The following MAP3K2 variants were observed in gnomAD, a reference collection of about 807,000 sequenced individuals.
The protein encoded by MAP3K2 is mitogen-activated protein kinase kinase kinase 2, also known as MAP/ERK kinase kinase 2.
Under a neutral mutation model 80.3 loss-of-function variants are expected in MAP3K2, and 24 were observed. The ratio of observed to expected loss-of-function variants is 0.30; its 90% CI spans 0.22 to 0.42. MAP3K2 has a LOEUF of 0.42. MAP3K2 is among the 10% of genes least tolerant of loss of function. MAP3K2 has a pLI of 1.00. For synonymous variants in MAP3K2, 244 were observed against 253.7 expected (o/e 0.96, Z 0.36); for missense variants, 608 against 750.1 (o/e 0.81, Z 2.21).
chr2:127,363,135 A>G (rs1006597585), intron 1 of MAP3K2, among the ~76,000 whole-genome samples: 1 of 152,202 alleles, frequency 6.6e-6, no homozygotes, highest in Non-Finnish European at 1.5e-5. Flanking sequence ...AATTTTATAT[A>G]AGAGATGTTG....
chr2:127,326,579 G>A (rs781223655), intron 8 of MAP3K2, 108 bp downstream of exon 8: 28 of 708,402 alleles, frequency 4.0e-5, no homozygotes, highest in Non-Finnish European at 5.0e-5. Flanking sequence ...AAGAAGATAT[G>A]TAATTAGAGA....
chr2:127,320,387 G>A (rs190364203), intron 12 of MAP3K2, among the ~76,000 whole-genome samples: 2 of 152,258 alleles, frequency 1.3e-5, no homozygotes, highest in East Asian at 1.9e-4. Context: ...CAACAAGGCT[G>A]AGGAAAGAAT....
intron 16 of MAP3K2, 54 bp downstream of exon 16, chr2:127,308,531 T>C: frequency 6.9e-7 from 1 of 1,452,622 alleles, no homozygotes; most frequent in East Asian, 2.3e-5. Context: ...CAATCCCAGG[T>C]GGAAATACAT....
intron 2 of MAP3K2, 131 bp downstream of exon 2, chr2:127,342,995 C>A: frequency 3.1e-6 from 2 of 645,900 alleles, no homozygotes; most frequent in Non-Finnish European, 2.6e-6. Context: ...AAATATAAAA[C>A]ATTTCATAAA....
rs1013159218 is a variant in MAP3K2, at chr2:127,299,315, G to C, written c.*8264C>G. The C allele has an allele frequency of 3.3e-5, 5 of 152,188 alleles. No individual in the cohort carries two copies. The highest frequency in any genetic ancestry group is 2.1e-4 in the South Asian group (1 of 4,824). The allele number at this position is 152,188 out of a possible 1,614,324, so 9.4% of individuals were successfully genotyped here. A position where few individuals can be genotyped will look rare whatever the true frequency, so the allele number is the denominator to read the frequency against. On this transcript the variant is annotated 3_prime_UTR_variant, in exon 17 of 17. Transcript: ENST00000682094. ...CTTAAAACACACAGTACAATATAAA[G>C]ACACACAACGTATGTTTGGACATTT...
At position 127,322,301 on chromosome 2, in the gene MAP3K2, A is replaced by G. The variant is rs772315467; in HGVS notation, c.839-49T>C. Reference sequence around the variant, plus strand: ...CTTATACCTTTTATTAATATGTTATACTTTTAAAGTATTTAAAATTTGTAA... The same window carrying G: ...CTTATACCTTTTATTAATATGTTATGCTTTTAAAGTATTTAAAATTTGTAA... On this transcript the variant is annotated intron_variant, in intron 11 of 16. Transcript: ENST00000682094. This position sits in a 1 kb window ranked among gnomAD's most constrained non-coding sequence, Gnocchi z 4.2. The G allele has an allele frequency of 8.4e-7, 1 of 1,195,212 alleles. No homozygotes were observed. The highest frequency in any genetic ancestry group is 2.2e-5 in the Admixed American group (1 of 44,734). The allele number at this position is 1,195,212 out of a possible 1,614,324, so 74.0% of individuals were successfully genotyped here. A position where few individuals can be genotyped will look rare whatever the true frequency, so the allele number is the denominator to read the frequency against.
chr2:127,357,623 T>C (rs1016461137), intron 1 of MAP3K2, among the ~76,000 whole-genome samples: 1 of 152,202 alleles, frequency 6.6e-6, no homozygotes, highest in Non-Finnish European at 1.5e-5. Context: ...ATCAAGACAG[T>C]GTGTTATTGG....
At position 127,301,898 on chromosome 2, in the gene MAP3K2, G is replaced by C. The variant is rs1452583784; in HGVS notation, c.*5681C>G. On this transcript the variant is annotated 3_prime_UTR_variant, in exon 17 of 17. Coordinates refer to ENST00000682094, the MANE Select transcript of MAP3K2 (RefSeq NM_001371910.2). ...ATCAACAGCTCTGGAAGGTGAGTAT[G>C]GGAAGATGGGAGGCCCTGATACTTC... 1.3e-5 allele frequency: 2 copies of C among 152,052 alleles called. No individual in the cohort carries two copies. The highest frequency in any genetic ancestry group is 4.8e-5 in the African/African-American group (2 of 41,412). 9.4% of individuals were successfully genotyped at this position (152,052 alleles called of 1,614,324 possible).
At chr2:127,323,835 T>G in intron 11 of MAP3K2, 67 bp downstream of exon 11, 1 of 722,496 alleles carries the variant, frequency 1.4e-6, no homozygotes, top group Non-Finnish European at 2.1e-6. Context: ...TTTTAAAAAA[T>G]TTTTGTATTT....
intron 5 of MAP3K2, among the ~76,000 whole-genome samples, chr2:127,331,990 TTTAC>T (rs1366580094): frequency 6.6e-6 from 1 of 152,246 alleles, no homozygotes. Context: ...TCTGCTTGCA[TTTAC>T]TTACTCTGTT....
intron 2 of MAP3K2, among the ~76,000 whole-genome samples, chr2:127,341,012 T>C (rs1187808963): frequency 1.3e-5 from 2 of 151,918 alleles, no homozygotes; most frequent in Non-Finnish European, 2.9e-5. Context: ...CAAGGGGAGA[T>C]GGATTCTCGC....
chr2:127,356,499 G>GCTAATTTTTTATTAGC (rs1370139334), intron 1 of MAP3K2, among the ~76,000 whole-genome samples: 1 of 152,100 alleles, frequency 6.6e-6, no homozygotes, highest in Non-Finnish European at 1.5e-5. Context: ...CCTGGCTTAG[G>GCTAATTTTTTATTAGC]CTAATTTTTT....
intron 9 of MAP3K2, 111 bp downstream of exon 9, chr2:127,325,616 AG>A: frequency 4.1e-6 from 3 of 730,506 alleles, no homozygotes; most frequent in Non-Finnish European, 7.0e-6. Flanking sequence ...GGAGCCAAGG[AG>A]GTCAAGGCTG....
chr2:127,301,572 T>C lies in MAP3K2; in HGVS notation c.*6007A>G, dbSNP rs1387113694. On this transcript the variant is annotated 3_prime_UTR_variant, in exon 17 of 17. Coordinates refer to ENST00000682094, the MANE Select transcript of MAP3K2 (RefSeq NM_001371910.2). ...ATGTGTACAGGGAATATAAAAGCTTTGGTTTAAAGTGATTCTGATAATACA... is the reference window on the plus strand; with the variant it reads ...ATGTGTACAGGGAATATAAAAGCTTCGGTTTAAAGTGATTCTGATAATACA... 1 of 152,222 alleles carries C rather than the reference T, an allele frequency of 6.6e-6. No homozygotes were observed. Among genetic ancestry groups the C allele is most frequent in the Non-Finnish European group, 1.5e-5 (1 of 68,036 alleles). 9.4% of individuals were successfully genotyped at this position (152,222 alleles called of 1,614,324 possible). A position where few individuals can be genotyped will look rare whatever the true frequency, so the allele number is the denominator to read the frequency against.
intron 9 of MAP3K2, among the ~76,000 whole-genome samples, chr2:127,324,548 C>T (rs914013358): frequency 6.6e-6 from 1 of 152,298 alleles, no homozygotes; most frequent in African/African-American, 2.4e-5. Context: ...CTTGGCAAAT[C>T]ACCCTTCTGC....
intron 1 of MAP3K2, among the ~76,000 whole-genome samples, chr2:127,376,839 G>A (rs965753867): frequency 1.3e-5 from 2 of 152,140 alleles, no homozygotes; most frequent in Non-Finnish European, 2.9e-5. Context: ...TCTGAGACAG[G>A]AGGATCGCTT....
At chr2:127,385,855 C>A (rs72848629) in intron 1 of MAP3K2, among the ~76,000 whole-genome samples, 5,169 of 152,214 alleles carry the variant, frequency 0.034, 126 homozygotes, top group Middle Eastern at 0.071. Context: ...CAAAAGCTCC[C>A]CCTAAAACAT....
chr2:127,330,040 C>A, intron 6 of MAP3K2, 32 bp from the exon 7 acceptor site: 1 of 1,275,120 alleles, frequency 7.8e-7, no homozygotes, highest in Non-Finnish European at 1.1e-6. Context: ...TAATGCTATT[C>A]TTCCTCCTTG....
intron 1 of MAP3K2, among the ~76,000 whole-genome samples, chr2:127,370,934 G>T (rs530637041): frequency 3.3e-5 from 5 of 152,198 alleles, no homozygotes; most frequent in South Asian, 2.1e-4. Context: ...TAAACTAGAA[G>T]AAAAGACAAG....
Sources: allele counts gnomAD v4.1 joint callset (sites outside exome capture counted in the v4.1 genomes callset), GRCh38; gene constraint gnomAD v4.1.1; non-coding constraint Gnocchi (gnomAD v3.1); transcripts MANE v1.5; gene names NCBI Gene and HGNC (gene_info 2026-07-23, HGNC 2026-07-21).